The following EGFLAM variants were observed in gnomAD, a reference collection of about 807,000 sequenced individuals.
EGFLAM encodes pikachurin.
Under a neutral mutation model 113.1 loss-of-function variants are expected in EGFLAM, and 79 were observed. That is an observed-to-expected ratio of 0.70 (90% CI 0.58 to 0.84). EGFLAM has a LOEUF of 0.84. EGFLAM is among the 40% of genes least tolerant of loss of function. The probability of loss-of-function intolerance (pLI) is 0.00; values close to 1 mark genes in which losing one functional copy is unlikely to be tolerated. For synonymous variants in EGFLAM, 504 were observed against 487.6 expected, an observed-to-expected ratio of 1.03 and a Z score of -0.44; for missense variants, 1,265 against 1,291.6, an observed-to-expected ratio of 0.98 and a Z score of 0.32.
intron 15 of EGFLAM, among the ~76,000 whole-genome samples, chr5:38,433,454 C>T (rs540802417): frequency 3.9e-5 from 6 of 152,312 alleles, no homozygotes; most frequent in African/African-American, 1.2e-4. Context: ...CCCCTCACTG[C>T]AGAGCAGGCC....
At chr5:38,273,917 A>G (rs989956052) in intron 1 of EGFLAM, among the ~76,000 whole-genome samples, 7 of 152,196 alleles carry the variant, frequency 4.6e-5, no homozygotes, top group African/African-American at 1.7e-4. Flanking sequence ...CAAAAAATTC[A>G]AAGTAGCTGT....
chr5:38,459,378 C>T (rs1743199407), intron 20 of EGFLAM, among the ~76,000 whole-genome samples: 1 of 152,066 alleles, frequency 6.6e-6, no homozygotes, highest in Non-Finnish European at 1.5e-5. Context: ...TTACATATCT[C>T]CCCCATCACA....
chr5:38,314,550 C>T (rs1027285830), intron 1 of EGFLAM, among the ~76,000 whole-genome samples: 3 of 152,168 alleles, frequency 2.0e-5, no homozygotes, highest in Non-Finnish European at 4.4e-5. Context: ...AAAAGAGATC[C>T]TCAGGGATGT....
At chr5:38,412,096 G>T (rs1045901955) in intron 10 of EGFLAM, among the ~76,000 whole-genome samples, 3 of 152,172 alleles carry the variant, frequency 2.0e-5, no homozygotes, top group African/African-American at 7.2e-5. Flanking sequence ...CACCATGCCT[G>T]GCCTAATGTC....
chr5:38,442,991 C>T lies in EGFLAM; in HGVS notation c.2464+4536C>T, dbSNP rs112172188. On this transcript the variant is annotated intron_variant, in intron 17 of 21. Coordinates refer to ENST00000322350, the MANE Select transcript of EGFLAM (RefSeq NM_152403.4). Reference sequence around the variant, plus strand: ...TTAAGATGATTAGAGTCAGGCCAGGCGCAGTGGCTCATGCCTGTAATCCCA... The same window carrying T: ...TTAAGATGATTAGAGTCAGGCCAGGTGCAGTGGCTCATGCCTGTAATCCCA... Among the ~76,000 whole-genome samples the T allele has an allele frequency of 5.3e-4, 80 of 152,310 alleles. 1 individual carries two copies. Among genetic ancestry groups the T allele is most frequent in the African/African-American group, 1.7e-3 (69 of 41,562 alleles).
chr5:38,360,144 A>C (rs1739881138), intron 5 of EGFLAM, among the ~76,000 whole-genome samples: 1 of 152,238 alleles, frequency 6.6e-6, no homozygotes, highest in Non-Finnish European at 1.5e-5. Context: ...GCTGTTACTG[A>C]AATGAAGATC....
At position 38,406,882 on chromosome 5, in the gene EGFLAM, A is replaced by C. The variant is rs150976817; in HGVS notation, c.883A>C (p.Lys295Gln). 7.2e-4 allele frequency: 1,155 copies of C among 1,614,122 alleles called. 3 individuals carry two copies. Among genetic ancestry groups the C allele is most frequent in the Admixed American group, 5.3e-4 (32 of 60,020 alleles). Reference sequence around the variant, plus strand: ...GAATAAGAAATTTTTGGTGGAAAGCAAGAAGATGTCTATATCTAACCCAAA... The same window carrying C: ...GAATAAGAAATTTTTGGTGGAAAGCCAGAAGATGTCTATATCTAACCCAAA... ...GGNKKFLVES[K>Q]KMSISNPKTI... The change falls in exon 8 of 22, where the codon AAG (lysine) becomes CAG (glutamine). Residue 295 changes from lysine to glutamine, a missense_variant. By Grantham distance (53) the Lys-to-Gln change is moderately conservative. Transcript: ENST00000322350.
chr5:38,384,930 G>A (rs1740617883), intron 6 of EGFLAM, among the ~76,000 whole-genome samples: 1 of 152,090 alleles, frequency 6.6e-6, no homozygotes, highest in Non-Finnish European at 1.5e-5. Flanking sequence ...AGTGCTACTG[G>A]CATTTAGTCA....
At position 38,368,892 on chromosome 5, in the gene EGFLAM, G is replaced by A. The variant is rs142951898; in HGVS notation, c.546-1404G>A. On this transcript the variant is annotated intron_variant, in intron 5 of 21. Transcript: ENST00000322350. Reference sequence around the variant, plus strand: ...AAAAAAGGTGGAGTGTTTAATATTAGTACCTACTGCATAGGGCATTTTTGA... The same window carrying A: ...AAAAAAGGTGGAGTGTTTAATATTAATACCTACTGCATAGGGCATTTTTGA... Among the ~76,000 whole-genome samples, 1,048 of 152,208 alleles carry A rather than the reference G, an allele frequency of 6.9e-3. 45 individuals are homozygous for A. The highest frequency in any genetic ancestry group is 0.059 in the Admixed American group (899 of 15,296).
chr5:38,351,398 C>T (rs1272294339), intron 4 of EGFLAM, among the ~76,000 whole-genome samples: 3 of 152,062 alleles, frequency 2.0e-5, no homozygotes, highest in Non-Finnish European at 2.9e-5. Flanking sequence ...TAAGCCACCG[C>T]GCCTGGTGAC....
At chr5:38,408,887 G>T in intron 9 of EGFLAM, 117 bp from the exon 10 acceptor site, 1 of 857,092 alleles carries the variant, frequency 1.2e-6, no homozygotes, top group South Asian at 1.4e-5. Flanking sequence ...TTGACCCTTT[G>T]TAGATAGGAT....
intron 1 of EGFLAM, among the ~76,000 whole-genome samples, chr5:38,274,001 C>T (rs772777318): frequency 4.3e-4 from 66 of 152,006 alleles, no homozygotes; most frequent in Non-Finnish European, 6.8e-4. Context: ...AATAAGTGAC[C>T]AGAATGATAA....
At chr5:38,291,853 A>G (rs1470303508) in intron 1 of EGFLAM, among the ~76,000 whole-genome samples, 1 of 152,208 alleles carries the variant, frequency 6.6e-6, no homozygotes, top group Non-Finnish European at 1.5e-5. Context: ...CGAAGAGGGA[A>G]ATTCCACCTG....
At chr5:38,419,707 G>A (rs1741766175) in intron 12 of EGFLAM, among the ~76,000 whole-genome samples, 1 of 152,124 alleles carries the variant, frequency 6.6e-6, no homozygotes, top group South Asian at 2.1e-4. Context: ...TGTGAAGTAG[G>A]TGCTATCATT....
chr5:38,274,164 A>C (rs138778969), intron 1 of EGFLAM, among the ~76,000 whole-genome samples: 32 of 152,350 alleles, frequency 2.1e-4, no homozygotes, highest in African/African-American at 7.5e-4. Context: ...TTAAAAAGAA[A>C]AAATGAAAAA....
intron 6 of EGFLAM, among the ~76,000 whole-genome samples, chr5:38,397,454 A>G (rs575099776): frequency 1.3e-5 from 2 of 152,132 alleles, no homozygotes; most frequent in African/African-American, 4.8e-5. Context: ...TTTTTAATTA[A>G]AATTTTTATC....
intron 1 of EGFLAM, among the ~76,000 whole-genome samples, chr5:38,302,347 C>T (rs932535432): frequency 9.1e-4 from 138 of 151,820 alleles, no homozygotes; most frequent in East Asian, 1.5e-3. Context: ...ATGGCGTAGA[C>T]GTGGGAATCA....
At chr5:38,460,046 A>G (rs533737155) in intron 20 of EGFLAM, among the ~76,000 whole-genome samples, 1 of 152,234 alleles carries the variant, frequency 6.6e-6, no homozygotes, top group South Asian at 2.1e-4. Context: ...TCCAAACTCT[A>G]TGGCTTCTAA....
chr5:38,354,636 G>A (rs543005127), intron 5 of EGFLAM, among the ~76,000 whole-genome samples: 6 of 152,060 alleles, frequency 3.9e-5, no homozygotes, highest in East Asian at 1.9e-4. Flanking sequence ...AGGCTGAGGC[G>A]TGAGAATTGC....
Sources: allele counts gnomAD v4.1 joint callset (sites outside exome capture counted in the v4.1 genomes callset), GRCh38; gene constraint gnomAD v4.1.1; transcripts MANE v1.5; gene names NCBI Gene and HGNC (gene_info 2026-07-23, HGNC 2026-07-21).